The following PNPLA4 variants were observed in gnomAD, a reference collection of about 807,000 sequenced individuals.
The protein encoded by PNPLA4 is patatin like domain 4, phospholipase and triacylglycerol lipase, also known as patatin-like phospholipase domain-containing protein 4.
Under a neutral mutation model 18.3 loss-of-function variants are expected in PNPLA4, and 15 were observed. The ratio of observed to expected loss-of-function variants is 0.82; its 90% CI spans 0.55 to 1.26. The LOEUF is 1.26. Ranked by LOEUF, PNPLA4 falls within the 50% of genes most tolerant of loss-of-function variation. The pLI, the probability that PNPLA4 is intolerant of heterozygous loss-of-function variation, is 0.00. For synonymous variants in PNPLA4, 88 were observed against 85.6 expected, an observed-to-expected ratio of 1.03 and a Z score of -0.16; for missense variants, 229 against 196.8, an observed-to-expected ratio of 1.16 and a Z score of -0.98.
Position 7,918,899 on chromosome X carries a change from T to C in PNPLA4, c.411+2814A>G, listed in dbSNP as rs543542358. Among the ~76,000 whole-genome samples the C allele has an allele frequency of 4.4e-5, 5 of 112,384 alleles. No homozygotes were observed. The East Asian group carries it at 8.4e-4, about 19-fold the overall frequency. The stretch of plus-strand genomic sequence containing the variant: ...CGCACTCTCACTCTTTTCCCCTAAA[T>C]GCTTCATGAGTATTCCAGGCATAGG... On this transcript the variant is annotated intron_variant, in intron 4 of 6. Coordinates refer to ENST00000381042, the MANE Select transcript of PNPLA4 (RefSeq NM_004650.3).
intron 2 of PNPLA4, among the ~76,000 whole-genome samples, chrX:7,925,163 A>T (rs1471929892): frequency 8.9e-6 from 1 of 112,597 alleles, no homozygotes; most frequent in Non-Finnish European, 1.9e-5. Context: ...CTCACAAAAG[A>T]TCTGAAATGA....
At chrX:7,905,095 T>C (rs1320494765) in intron 5 of PNPLA4, among the ~76,000 whole-genome samples, 1 of 112,230 alleles carries the variant, frequency 8.9e-6, no homozygotes, top group East Asian at 2.8e-4. Context: ...TCCTAAGACA[T>C]AGAAATAAGC....
At chrX:7,926,172 G>A in intron 1 of PNPLA4, 40 bp from the exon 2 acceptor site, 1 of 998,829 alleles carries the variant, frequency 1.0e-6, no homozygotes, top group Non-Finnish European at 1.4e-6. Context: ...AGTTGGAATA[G>A]TTTATCCCAC....
At chrX:7,914,397 A>C (rs150457567) in intron 4 of PNPLA4, among the ~76,000 whole-genome samples, 2,339 of 111,833 alleles carry the variant, frequency 0.021, 33 homozygotes, top group Middle Eastern at 0.055. Flanking sequence ...CACCGGTAGC[A>C]ATGACATCAT....
Position 7,898,269 on chromosome X carries a change from G to A in PNPLA4, c.*2417C>T, listed in dbSNP as rs1225470696. On this transcript the variant is annotated 3_prime_UTR_variant, in exon 7 of 7. Coordinates refer to ENST00000381042, the MANE Select transcript of PNPLA4 (RefSeq NM_004650.3). Reference sequence around the variant, plus strand: ...AAGGAAGACTAATGACATTTTTAATGACAGATTCAAATATATAAGGAAATT... The same window carrying A: ...AAGGAAGACTAATGACATTTTTAATAACAGATTCAAATATATAAGGAAATT... 3 of 111,733 alleles carry A rather than the reference G, an allele frequency of 2.7e-5. No individual in the cohort carries two copies. The highest frequency in any genetic ancestry group is 9.8e-5 in the African/African-American group (3 of 30,756). 9.2% of individuals were successfully genotyped at this position (111,733 alleles called of 1,213,427 possible). A position where few individuals can be genotyped will look rare whatever the true frequency, so the allele number is the denominator to read the frequency against.
At chrX:7,922,654 G>T (rs1371305183) in intron 2 of PNPLA4, among the ~76,000 whole-genome samples, 1 of 112,279 alleles carries the variant, frequency 8.9e-6, no homozygotes, top group Non-Finnish European at 1.9e-5. Flanking sequence ...GACACTGTCA[G>T]TTCATCTTCA....
In PNPLA4 at chrX:7,899,077, G is replaced by A. The variant is rs771177706; in HGVS notation, c.*1609C>T. The A allele has an allele frequency of 9.0e-6, 1 of 110,996 alleles. No individual in the cohort carries two copies. Among genetic ancestry groups the A allele is most frequent in the African/African-American group, 3.3e-5 (1 of 30,110 alleles). The allele number at this position is 110,996 out of a possible 1,213,427, so 9.1% of individuals were successfully genotyped here. On this transcript the variant is annotated 3_prime_UTR_variant, in exon 7 of 7. Coordinates refer to ENST00000381042, the MANE Select transcript of PNPLA4 (RefSeq NM_004650.3). ...GTCACTTATGGAAACAACACATTAA[G>A]ATTAAACTACATGTTTGCTAGAGTA...
At chrX:7,921,613 G>A in intron 4 of PNPLA4, 100 bp downstream of exon 4, 2 of 740,152 alleles carry the variant, frequency 2.7e-6, no homozygotes, top group Non-Finnish European at 2.1e-6. Context: ...CCTGGTAAGA[G>A]ACACAGGATC....
chrX:7,915,315 G>T (rs1209285734), intron 4 of PNPLA4, among the ~76,000 whole-genome samples: 1 of 75,551 alleles, frequency 1.3e-5, no homozygotes, highest in Non-Finnish European at 2.5e-5. Flanking sequence ...GGTGGGGGGG[G>T]GGGTGTGTCC....
chrX:7,904,646 G>T lies in PNPLA4; in HGVS notation c.478-2505C>A, dbSNP rs180913799. Reference sequence around the variant, plus strand: ...TTCTTCAACCTCCAAATTAAAAGTAGAAACATTTTATATCTTGTGCTCTAC... The same window carrying T: ...TTCTTCAACCTCCAAATTAAAAGTATAAACATTTTATATCTTGTGCTCTAC... On this transcript the variant is annotated intron_variant, in intron 5 of 6. Coordinates refer to ENST00000381042, the MANE Select transcript of PNPLA4 (RefSeq NM_004650.3). Among the ~76,000 whole-genome samples the T allele has an allele frequency of 3.0e-3, 341 of 112,344 alleles. 2 individuals carry two copies. Among genetic ancestry groups the T allele is most frequent in the African/African-American group, 0.011 (333 of 30,997 alleles).
chrX:7,910,270 G>A (rs1923831149), intron 5 of PNPLA4, among the ~76,000 whole-genome samples: 2 of 110,990 alleles, frequency 1.8e-5, no homozygotes, highest in South Asian at 7.5e-4. Flanking sequence ...CAAAGCTCAA[G>A]GAAAGACACT....
At chrX:7,915,066 C>T (rs190468590) in intron 4 of PNPLA4, among the ~76,000 whole-genome samples, 2 of 111,519 alleles carry the variant, frequency 1.8e-5, no homozygotes, top group South Asian at 3.8e-4. Context: ...AGCTTACTGC[C>T]ATTTTATTGC....
In PNPLA4 at chrX:7,921,363, A is replaced by G. The variant is rs138762506; in HGVS notation, c.411+350T>C. Among the ~76,000 whole-genome samples, 42 of 112,459 alleles carry G rather than the reference A, an allele frequency of 3.7e-4. No homozygotes were observed. In the East Asian group the frequency reaches 0.011, roughly 31 times the overall value. ...AGGACTGAATAAGAGAGTACATGTTAAAAACCCTACATACACTCCAAAGTA... is the reference window on the plus strand; with the variant it reads ...AGGACTGAATAAGAGAGTACATGTTGAAAACCCTACATACACTCCAAAGTA... On this transcript the variant is annotated intron_variant, in intron 4 of 6. Transcript: ENST00000381042.
intron 2 of PNPLA4, 112 bp from the exon 3 acceptor site, chrX:7,922,210 T>C (rs1924250829): frequency 1.2e-5 from 7 of 563,162 alleles, no homozygotes; most frequent in Non-Finnish European, 2.1e-5. Flanking sequence ...TGTCATGTTA[T>C]TAAAGGTGTG....
intron 5 of PNPLA4, among the ~76,000 whole-genome samples, chrX:7,905,238 T>TA (rs1182341324): frequency 1.8e-5 from 2 of 112,893 alleles, no homozygotes; most frequent in African/African-American, 6.4e-5. Flanking sequence ...TCTAAAGAGA[T>TA]AAGGCTACCC....
chrX:7,903,523 T>C (rs1419431969), intron 5 of PNPLA4, among the ~76,000 whole-genome samples: 2 of 110,581 alleles, frequency 1.8e-5, no homozygotes, highest in African/African-American at 6.6e-5. Context: ...ATGGTCTCAA[T>C]CTCCTGACCT....
intron 4 of PNPLA4, 94 bp downstream of exon 4, chrX:7,921,618 AG>A (rs1389945542): frequency 1.3e-6 from 1 of 763,518 alleles, no homozygotes; most frequent in East Asian, 3.2e-5. Context: ...TAAGAGACAC[AG>A]GATCTAAAGA....
Position 7,898,866 on chromosome X carries a change from G to A in PNPLA4, c.*1820C>T, listed in dbSNP as rs1923420761. The A allele has an allele frequency of 8.9e-6, 1 of 111,916 alleles. No homozygotes were observed. The highest frequency in any genetic ancestry group is 9.5e-5 in the Admixed American group (1 of 10,575). 9.2% of individuals were successfully genotyped at this position (111,916 alleles called of 1,213,427 possible). A position where few individuals can be genotyped will look rare whatever the true frequency, so the allele number is the denominator to read the frequency against. ...AAAAAGTCTTATACAATGAGATTTG[G>A]TTTTGCAGCTTAAATTTCTTCAATT... On this transcript the variant is annotated 3_prime_UTR_variant, in exon 7 of 7. Transcript: ENST00000381042.
chrX:7,917,059 G>A (rs1378769421), intron 4 of PNPLA4, among the ~76,000 whole-genome samples: 1 of 112,315 alleles, frequency 8.9e-6, no homozygotes, highest in African/African-American at 3.2e-5. Flanking sequence ...AAGTAGAAAA[G>A]ACTGAGTTAA....
Sources: allele counts gnomAD v4.1 joint callset (sites outside exome capture counted in the v4.1 genomes callset), GRCh38; gene constraint gnomAD v4.1.1; transcripts MANE v1.5; gene names NCBI Gene and HGNC (gene_info 2026-07-23, HGNC 2026-07-21).